Variants in INPP4B observed in about 807,000 individuals in gnomAD.
INPP4B encodes the protein inositol polyphosphate-4-phosphatase type II B, also known as inositol polyphosphate 4-phosphatase type II.
INPP4B carries 55 observed loss-of-function variants against 122.5 expected under a neutral mutation model. That is an observed-to-expected ratio of 0.45 (90% CI 0.36 to 0.56). INPP4B has a LOEUF of 0.56. INPP4B is among the 20% of genes least tolerant of loss of function. INPP4B has a pLI of 0.00. For missense variants in INPP4B, 1,000 were observed against 1,097.7 expected (o/e 0.91, Z 1.26); for synonymous variants, 403 against 388.7 (o/e 1.04, Z -0.43).
intron 2 of INPP4B, among the ~76,000 whole-genome samples, chr4:142,684,159 GT>G (rs1448384327): frequency 1.3e-5 from 2 of 151,982 alleles, no homozygotes; most frequent in Admixed American, 1.3e-4. Flanking sequence ...TAGAATTTTT[GT>G]GGTCCTCATG....
At chr4:142,235,551 A>C (rs1554013150) in intron 12 of INPP4B, among the ~76,000 whole-genome samples, 1 of 152,068 alleles carries the variant, frequency 6.6e-6, no homozygotes, top group Non-Finnish European at 1.5e-5. Context: ...CCTCCCGAGT[A>C]GCTGGGACTA....
At chr4:142,061,815 T>C (rs1019469839) in intron 25 of INPP4B, among the ~76,000 whole-genome samples, 4 of 142,128 alleles carry the variant, frequency 2.8e-5, no homozygotes, top group Non-Finnish European at 6.1e-5. Context: ...ATAGAAAATA[T>C]AAAATGTCAT....
At chr4:142,070,187 C>T (rs1266581754) in intron 25 of INPP4B, among the ~76,000 whole-genome samples, 3 of 152,172 alleles carry the variant, frequency 2.0e-5, no homozygotes, top group East Asian at 3.9e-4. Context: ...TCAACATACG[C>T]AAATTAATAA....
At chr4:142,362,931 C>A (rs1302066906) in intron 7 of INPP4B, among the ~76,000 whole-genome samples, 3 of 152,042 alleles carry the variant, frequency 2.0e-5, no homozygotes, top group Admixed American at 6.6e-5. Flanking sequence ...GCCCAAATCT[C>A]AGCCTCATGC....
intron 11 of INPP4B, among the ~76,000 whole-genome samples, chr4:142,259,389 G>A (rs74379112): frequency 6.6e-6 from 1 of 150,470 alleles, no homozygotes; most frequent in Admixed American, 6.6e-5. Context: ...AAAAAAAAAA[G>A]ATCAGATACC....
chr4:142,351,119 G>C (rs1184240184), intron 7 of INPP4B, among the ~76,000 whole-genome samples: 1 of 151,928 alleles, frequency 6.6e-6, no homozygotes, highest in East Asian at 1.9e-4. Context: ...CAGTACTATT[G>C]CATGGCTTTC....
intron 3 of INPP4B, among the ~76,000 whole-genome samples, chr4:142,454,200 A>G (rs1322010793): frequency 6.6e-6 from 1 of 152,132 alleles, no homozygotes; most frequent in Admixed American, 6.6e-5. Flanking sequence ...GTCAGAAGTG[A>G]GTAAATATCA....
chr4:142,841,923 C>T (rs1197600444), intron 1 of INPP4B, among the ~76,000 whole-genome samples: 6 of 151,584 alleles, frequency 4.0e-5, no homozygotes, highest in Admixed American at 3.3e-4. Flanking sequence ...TTTTGTATTG[C>T]TTTATTTTCA....
chr4:142,064,471 C>A (rs116555095), intron 25 of INPP4B, among the ~76,000 whole-genome samples: 30 of 152,138 alleles, frequency 2.0e-4, no homozygotes, highest in Non-Finnish European at 3.8e-4. Context: ...TAATACTTAA[C>A]AGTATGTACC....
intron 23 of INPP4B, among the ~76,000 whole-genome samples, chr4:142,092,360 G>A (rs1036432874): frequency 7.1e-6 from 1 of 140,906 alleles, no homozygotes; most frequent in Non-Finnish European, 1.6e-5. Context: ...GTGTGACCTC[G>A]GCTCACTGCA....
intron 18 of INPP4B, among the ~76,000 whole-genome samples, chr4:142,142,055 A>G (rs1808134845): frequency 6.6e-6 from 1 of 152,102 alleles, no homozygotes; most frequent in Non-Finnish European, 1.5e-5. Context: ...TAACATCACT[A>G]ACAAATGATG....
At chr4:142,033,824 G>A (rs182386345) in intron 25 of INPP4B, among the ~76,000 whole-genome samples, 6 of 114,456 alleles carry the variant, frequency 5.2e-5, no homozygotes, top group African/African-American at 9.1e-5. Flanking sequence ...ACCAACATGC[G>A]CAGCTAATTT....
intron 9 of INPP4B, among the ~76,000 whole-genome samples, chr4:142,302,690 C>T (rs1761938451): frequency 6.6e-6 from 1 of 152,066 alleles, no homozygotes; most frequent in Admixed American, 6.6e-5. Flanking sequence ...GTGTCTTTCA[C>T]AGCTATAATT....
At chr4:142,335,279 A>G (rs1329090074) in intron 7 of INPP4B, among the ~76,000 whole-genome samples, 1 of 152,128 alleles carries the variant, frequency 6.6e-6, no homozygotes, top group South Asian at 2.1e-4. Flanking sequence ...CAACAACAAC[A>G]AAAATCTAGT....
intron 25 of INPP4B, among the ~76,000 whole-genome samples, chr4:142,057,831 A>AT (rs1463574280): frequency 3.3e-5 from 5 of 152,064 alleles, no homozygotes; most frequent in Non-Finnish European, 5.9e-5. Flanking sequence ...TTTAGCAAAA[A>AT]TTTTATCTAT....
chr4:142,039,691 C>T (rs1187896741), intron 25 of INPP4B, among the ~76,000 whole-genome samples: 1 of 151,334 alleles, frequency 6.6e-6, no homozygotes, highest in Admixed American at 6.6e-5. Flanking sequence ...CAGTTTTGAT[C>T]TTTGAATTTT....
At chr4:142,531,943 T>A (rs1015772677) in intron 2 of INPP4B, among the ~76,000 whole-genome samples, 1 of 152,188 alleles carries the variant, frequency 6.6e-6, no homozygotes, top group African/African-American at 2.4e-5. Flanking sequence ...AATTTCACCA[T>A]GTTAATTTTA....
intron 2 of INPP4B, among the ~76,000 whole-genome samples, chr4:142,712,964 A>G (rs1763295087): frequency 6.6e-6 from 1 of 152,190 alleles, no homozygotes; most frequent in Non-Finnish European, 1.5e-5. Flanking sequence ...CTGTGTTTTG[A>G]CTCTGAGGCC....
intron 1 of INPP4B, among the ~76,000 whole-genome samples, chr4:142,729,154 A>T (rs1246436818): frequency 6.6e-6 from 1 of 152,126 alleles, no homozygotes; most frequent in Non-Finnish European, 1.5e-5. Flanking sequence ...TCCTATGAGA[A>T]TCTAATGCTG....
Sources: gnomAD v4.1 joint callset for allele counts (sites outside exome capture counted in the v4.1 genomes callset) on GRCh38, gnomAD v4.1.1 for gene constraint, MANE v1.5 for transcripts, NCBI Gene and HGNC (gene_info 2026-07-23, HGNC 2026-07-21) for gene names.